ZBTB20: variants seen among roughly 807,000 people sequenced by gnomAD.
ZBTB20 encodes the protein zinc finger and BTB domain containing 20, also known as zinc finger and BTB domain-containing protein 20.
ZBTB20 carries 9 observed loss-of-function variants against 56.9 expected under a neutral mutation model. That is an observed-to-expected ratio of 0.16 (90% CI 0.10 to 0.28). The LOEUF (loss-of-function observed/expected upper bound fraction) is 0.28, where lower values mean the gene tolerates loss of function less well. ZBTB20 is among the 10% of genes least tolerant of loss of function. ZBTB20 has a pLI of 1.00. For synonymous variants in ZBTB20, 417 were observed against 420.7 expected (o/e 0.99, Z 0.11); for missense variants, 655 against 1,003.0 (o/e 0.65, Z 4.69).
At chr3:114,938,016 G>A (rs1007576265) in intron 3 of ZBTB20, among the ~76,000 whole-genome samples, 6 of 151,888 alleles carry the variant, frequency 4.0e-5, no homozygotes, top group Admixed American at 2.0e-4. Flanking sequence ...GGAGAATGGC[G>A]TGGAGGCAGG....
chr3:114,542,202 G>T (rs1169277111), intron 6 of ZBTB20, among the ~76,000 whole-genome samples: 1 of 152,094 alleles, frequency 6.6e-6, no homozygotes, highest in Non-Finnish European at 1.5e-5. Flanking sequence ...CTGAAGGCAG[G>T]TGAGTTAAAT....
At chr3:114,370,295 C>T (rs1005601210) in intron 10 of ZBTB20, among the ~76,000 whole-genome samples, 2 of 152,198 alleles carry the variant, frequency 1.3e-5, no homozygotes, top group Non-Finnish European at 1.5e-5. Context: ...AAACATTAAA[C>T]TTGTACTTTG....
chr3:114,974,270 T>C (rs188837814), intron 3 of ZBTB20, 96 bp downstream of exon 3: 1 of 152,052 alleles, frequency 6.6e-6, no homozygotes, highest in East Asian at 1.9e-4. Context: ...AATAATAAAA[T>C]AAAAGAAAAG....
At chr3:114,622,949 C>T (rs930554634) in intron 6 of ZBTB20, among the ~76,000 whole-genome samples, 10 of 152,154 alleles carry the variant, frequency 6.6e-5, no homozygotes, top group African/African-American at 1.4e-4. Context: ...ACCATATTGG[C>T]GACATCAAAG....
chr3:114,454,300 G>T (rs1237083084), intron 7 of ZBTB20, among the ~76,000 whole-genome samples: 1 of 151,188 alleles, frequency 6.6e-6, no homozygotes, highest in South Asian at 2.1e-4. Flanking sequence ...AGTAACTCCC[G>T]TCTAAATCCA....
rs532672088 is a variant in ZBTB20, at chr3:114,993,661, C to T, written c.-506-19245G>A. Among the ~76,000 whole-genome samples the T allele has an allele frequency of 5.2e-3, 790 of 151,770 alleles. 9 individuals carry two copies. The highest frequency in any genetic ancestry group is 0.018 in the African/African-American group (732 of 41,470). ...AACTAAAAAAACATTCATAAATATT[C>T]CATGAGTCAAAGAAGAAATCATAAT... On this transcript the variant is annotated intron_variant, in intron 2 of 11. Transcript: ENST00000675478.
Position 114,508,668 on chromosome 3 carries a change from G to A in ZBTB20, c.-294-8277C>T, listed in dbSNP as rs181236145. Among the ~76,000 whole-genome samples, 4 of 152,174 alleles carry A rather than the reference G, an allele frequency of 2.6e-5. No homozygotes were observed. In the East Asian group the frequency reaches 7.7e-4, roughly 29 times the overall value. On this transcript the variant is annotated intron_variant, in intron 6 of 11. Transcript: ENST00000675478. ...GTTAACAAAAACAAAAACAAAATCT[G>A]CATTCCAATGTAACTTGTAGAGAAG...
chr3:114,352,960 C>T (rs751601084), intron 10 of ZBTB20, among the ~76,000 whole-genome samples: 4 of 152,138 alleles, frequency 2.6e-5, no homozygotes, highest in African/African-American at 4.8e-5. Flanking sequence ...CCTGACCCAG[C>T]GCCACCCTAT....
chr3:115,064,719 G>T (rs2082143671), intron 2 of ZBTB20, among the ~76,000 whole-genome samples: 1 of 151,998 alleles, frequency 6.6e-6, no homozygotes, highest in Non-Finnish European at 1.5e-5. Context: ...AAAGTGTTGG[G>T]ATTACTTACA....
chr3:114,425,751 T>G (rs1289751433), intron 7 of ZBTB20, among the ~76,000 whole-genome samples: 1 of 152,200 alleles, frequency 6.6e-6, no homozygotes, highest in African/African-American at 2.4e-5. Context: ...GATAACACTT[T>G]CTCTTCAGAA....
intron 2 of ZBTB20, among the ~76,000 whole-genome samples, chr3:115,003,401 T>C (rs2079332738): frequency 6.6e-6 from 1 of 151,514 alleles, no homozygotes; most frequent in South Asian, 2.1e-4. Context: ...AACTCTACTT[T>C]CTCCCCAGGT....
chr3:114,544,641 C>A (rs1276692434), intron 6 of ZBTB20, among the ~76,000 whole-genome samples: 2 of 151,888 alleles, frequency 1.3e-5, no homozygotes, highest in African/African-American at 4.8e-5. Context: ...GTAACTGGAA[C>A]TACAGGCACA....
intron 1 of ZBTB20, among the ~76,000 whole-genome samples, chr3:115,087,721 C>T (rs935955470): frequency 1.3e-5 from 2 of 151,898 alleles, no homozygotes; most frequent in African/African-American, 4.8e-5. Context: ...ATCTGTGATG[C>T]AAGGGTAATA....
chr3:114,633,479 A>T (rs2059079791), intron 6 of ZBTB20, among the ~76,000 whole-genome samples: 1 of 152,182 alleles, frequency 6.6e-6, no homozygotes, highest in Non-Finnish European at 1.5e-5. Flanking sequence ...GGAATAAGAA[A>T]GAATTTGGTT....
intron 3 of ZBTB20, among the ~76,000 whole-genome samples, chr3:114,919,701 T>C (rs1187031068): frequency 6.7e-6 from 1 of 149,544 alleles, no homozygotes; most frequent in South Asian, 2.1e-4. Flanking sequence ...CAAGACTCCA[T>C]CTCAAAAAAA....
At chr3:114,770,104 G>A (rs1344122464) in intron 5 of ZBTB20, among the ~76,000 whole-genome samples, 1 of 151,780 alleles carries the variant, frequency 6.6e-6, no homozygotes, top group Middle Eastern at 3.4e-3. Flanking sequence ...TTGGAGGAAA[G>A]AGTGGGAAAG....
At chr3:114,519,243 T>C (rs1396765211) in intron 6 of ZBTB20, 2 of 152,186 alleles carry the variant, frequency 1.3e-5, no homozygotes, top group African/African-American at 4.8e-5. Context: ...GTAAATAATT[T>C]TTACAGTACA....
chr3:115,092,017 A>G (rs1180293680), intron 1 of ZBTB20, among the ~76,000 whole-genome samples: 3 of 152,078 alleles, frequency 2.0e-5, no homozygotes, highest in African/African-American at 7.2e-5. Context: ...ATCTCTGACA[A>G]TCCCTGTCTT....
intron 5 of ZBTB20, among the ~76,000 whole-genome samples, chr3:114,725,067 T>C (rs2065172489): frequency 6.6e-6 from 1 of 152,146 alleles, no homozygotes; most frequent in Non-Finnish European, 1.5e-5. Context: ...TTCACTTTAA[T>C]AAAGACAGTT....
Sources: gnomAD v4.1 joint callset for allele counts (sites outside exome capture counted in the v4.1 genomes callset) on GRCh38, gnomAD v4.1.1 for gene constraint, MANE v1.5 for transcripts, NCBI Gene and HGNC (gene_info 2026-07-23, HGNC 2026-07-21) for gene names.